Variants in BTBD9 observed in about 807,000 individuals in gnomAD.
BTBD9 encodes BTB domain containing 9, also known as BTB/POZ domain-containing protein 9.
Under a neutral mutation model 64.3 loss-of-function variants are expected in BTBD9, and 49 were observed. The observed-to-expected ratio is 0.76, with a 90% CI of 0.61 to 0.97. BTBD9 has a LOEUF of 0.97. Ranked by LOEUF, BTBD9 falls within the 50% of genes least tolerant of loss-of-function variation. The pLI is 0.00. For synonymous variants in BTBD9, 260 were observed against 274.7 expected (o/e 0.95, Z 0.53); for missense variants, 598 against 762.1 (o/e 0.78, Z 2.53).
intron 6 of BTBD9, among the ~76,000 whole-genome samples, chr6:38,351,496 TA>T (rs1764503932): frequency 6.9e-6 from 1 of 145,308 alleles, no homozygotes; most frequent in African/African-American, 2.5e-5. Flanking sequence ...GACAAATATT[TA>T]ATTGTTGTTG....
intron 9 of BTBD9, among the ~76,000 whole-genome samples, chr6:38,194,479 C>T (rs1337695426): frequency 1.3e-5 from 2 of 152,144 alleles, no homozygotes; most frequent in South Asian, 2.1e-4. Context: ...CTTGGGGAGG[C>T]GGTGGGAGTG....
chr6:38,463,744 T>A (rs896050774), intron 6 of BTBD9, among the ~76,000 whole-genome samples: 1 of 152,080 alleles, frequency 6.6e-6, no homozygotes, highest in African/African-American at 2.4e-5. Flanking sequence ...TTTAAAAAGG[T>A]AACTAGAATG....
chr6:38,230,598 C>T (rs1408152244), intron 9 of BTBD9, among the ~76,000 whole-genome samples: 2 of 149,382 alleles, frequency 1.3e-5, no homozygotes, highest in Non-Finnish European at 3.0e-5. Flanking sequence ...AAAATTCACA[C>T]TACTTACCAA....
At chr6:38,440,147 T>C (rs58881154) in intron 6 of BTBD9, among the ~76,000 whole-genome samples, 1,916 of 152,212 alleles carry the variant, frequency 0.013, 45 homozygotes, top group African/African-American at 0.044. Flanking sequence ...GTGTTCAGCA[T>C]AGATATAGTT....
chr6:38,585,116 C>T lies in BTBD9; in HGVS notation c.815-4679G>A, dbSNP rs151059591. Among the ~76,000 whole-genome samples, 17 of 152,158 alleles carry T rather than the reference C, an allele frequency of 1.1e-4. No individual in the cohort carries two copies. The East Asian group carries it at 2.9e-3, about 26-fold the overall frequency. On this transcript the variant is annotated intron_variant, in intron 4 of 10. Coordinates refer to ENST00000481247, the MANE Select transcript of BTBD9 (RefSeq NM_001099272.2). ...CTCACTGTACTAGACTCAGCCCTCC[C>T]GAGCTCACCATCTCAGGAGACAAGA...
At chr6:38,441,839 G>A (rs1046276530) in intron 6 of BTBD9, among the ~76,000 whole-genome samples, 2 of 152,038 alleles carry the variant, frequency 1.3e-5, no homozygotes, top group Non-Finnish European at 2.9e-5. Flanking sequence ...CTATGAAGTG[G>A]ATGTTATCAA....
intron 9 of BTBD9, among the ~76,000 whole-genome samples, chr6:38,232,984 T>A (rs894681737): frequency 2.0e-5 from 3 of 152,214 alleles, no homozygotes; most frequent in Non-Finnish European, 2.9e-5. Flanking sequence ...AACTGGATTT[T>A]TAATTCAAAT....
chr6:38,380,577 C>T, intron 6 of BTBD9, among the ~76,000 whole-genome samples: 1 of 152,192 alleles, frequency 6.6e-6, no homozygotes, highest in East Asian at 1.9e-4. Context: ...TGCCTATAAT[C>T]CCAGCATTTT....
At chr6:38,319,881 T>C (rs1294414177) in intron 7 of BTBD9, among the ~76,000 whole-genome samples, 1 of 152,144 alleles carries the variant, frequency 6.6e-6, no homozygotes, top group Non-Finnish European at 1.5e-5. Context: ...TTTACAGTCC[T>C]TGTGGCCTAG....
intron 7 of BTBD9, among the ~76,000 whole-genome samples, chr6:38,305,606 C>T (rs1257414633): frequency 6.6e-6 from 1 of 152,126 alleles, no homozygotes; most frequent in African/African-American, 2.4e-5. Context: ...CTCAGCCTCC[C>T]GAGTAGCTGG....
chr6:38,581,053 G>A lies in BTBD9; in HGVS notation c.815-616C>T, dbSNP rs140989193. ...ACTAACAATACAAAATTAGCCAGGC[G>A]TGGTGGCACATGCCTATAATCCCAG... On this transcript the variant is annotated intron_variant, in intron 4 of 10. Coordinates refer to ENST00000481247, the MANE Select transcript of BTBD9 (RefSeq NM_001099272.2). 4.4e-3 allele frequency among the ~76,000 whole-genome samples: 666 copies of A among 152,264 alleles called. 9 individuals are homozygous for A. Among genetic ancestry groups the A allele is most frequent in the African/African-American group, 0.015 (627 of 41,560 alleles).
At chr6:38,300,684 GTT>G (rs1446362501) in intron 7 of BTBD9, among the ~76,000 whole-genome samples, 2 of 152,186 alleles carry the variant, frequency 1.3e-5, no homozygotes, top group African/African-American at 4.8e-5. Flanking sequence ...GTATAAGAAT[GTT>G]TGTGATTTTT....
intron 9 of BTBD9, among the ~76,000 whole-genome samples, chr6:38,219,293 C>A (rs1284744651): frequency 7.9e-6 from 1 of 126,752 alleles, no homozygotes; most frequent in East Asian, 2.3e-4. Flanking sequence ...CGCCACCACA[C>A]CCAGCTAATT....
At chr6:38,243,310 C>T (rs2127525939) in intron 9 of BTBD9, among the ~76,000 whole-genome samples, 1 of 152,166 alleles carries the variant, frequency 6.6e-6, no homozygotes, top group East Asian at 1.9e-4. Flanking sequence ...TTAGGGAGAG[C>T]TGGTCATGTA....
intron 1 of BTBD9, among the ~76,000 whole-genome samples, chr6:38,616,768 C>A (rs940084177): frequency 6.6e-6 from 1 of 152,152 alleles, no homozygotes; most frequent in African/African-American, 2.4e-5. Context: ...GCAGCAGCAA[C>A]CCGCTCAGGT....
chr6:38,446,384 A>C (rs1769279269), intron 6 of BTBD9, among the ~76,000 whole-genome samples: 1 of 152,054 alleles, frequency 6.6e-6, no homozygotes, highest in South Asian at 2.1e-4. Context: ...TGATGCAGAG[A>C]GGGGTCCCGG....
Position 38,288,340 on chromosome 6 carries a change from T to C in BTBD9, c.1386A>G (p.Thr462=), listed in dbSNP as rs760259539. 29 of 1,614,142 alleles carry C rather than the reference T, an allele frequency of 1.8e-5. No individual in the cohort carries two copies. The highest frequency in any genetic ancestry group is 2.5e-5 in the Non-Finnish European group (29 of 1,180,002). The change falls in exon 8 of 11, where the codon ACA becomes ACG. Residue 462 remains threonine, a synonymous_variant. Coordinates refer to ENST00000481247, the MANE Select transcript of BTBD9 (RefSeq NM_001099272.2). ...TKNYDWDSGY[T]CHQLGSGAIV... is the part of the protein sequence containing the mutation. ...TCGCACCACTTCCTAGCTGGTGACA[T>C]GTGTAGCCAGAATCCCAGTCATAAT...
intron 9 of BTBD9, among the ~76,000 whole-genome samples, chr6:38,206,176 G>C (rs1417267902): frequency 6.6e-6 from 1 of 151,804 alleles, no homozygotes; most frequent in South Asian, 2.1e-4. Context: ...ATCAGTGATA[G>C]TACACAGAAA....
At chr6:38,549,661 G>A (rs1011173932) in intron 6 of BTBD9, among the ~76,000 whole-genome samples, 1 of 152,064 alleles carries the variant, frequency 6.6e-6, no homozygotes, top group Non-Finnish European at 1.5e-5. Flanking sequence ...CACCAGAAGT[G>A]ACTGTGCAGC....
Sources: gnomAD v4.1 joint callset for allele counts (sites outside exome capture counted in the v4.1 genomes callset) on GRCh38, gnomAD v4.1.1 for gene constraint, MANE v1.5 for transcripts, NCBI Gene and HGNC (gene_info 2026-07-23, HGNC 2026-07-21) for gene names.